Variants in TULP4 observed in about 807,000 individuals in gnomAD.
The protein encoded by TULP4 is tubby-related protein 4.
TULP4 carries 16 observed loss-of-function variants against 129.0 expected under a neutral mutation model. The observed-to-expected ratio is 0.12, with a 90% CI of 0.08 to 0.19. TULP4 has a LOEUF of 0.19. Ranked by LOEUF, TULP4 falls within the 10% of genes least tolerant of loss-of-function variation. The pLI, the probability that TULP4 is intolerant of heterozygous loss-of-function variation, is 1.00. For synonymous variants in TULP4, 998 were observed against 854.0 expected (o/e 1.17, Z -2.94); for missense variants, 1,842 against 2,059.1 (o/e 0.89, Z 2.04).
At chr6:158,324,463 G>C (rs1779701901) in intron 1 of TULP4, among the ~76,000 whole-genome samples, 1 of 152,170 alleles carries the variant, frequency 6.6e-6, no homozygotes, top group Admixed American at 6.5e-5. Context: ...GAGTGAGCTG[G>C]ACCTTAATGT....
At chr6:158,334,866 TCTG>T (rs1779996607) in intron 1 of TULP4, among the ~76,000 whole-genome samples, 1 of 152,220 alleles carries the variant, frequency 6.6e-6, no homozygotes, top group Admixed American at 6.5e-5. Context: ...GTTCTGCTCT[TCTG>T]CTGTGTGAGG....
At chr6:158,415,516 A>T (rs998211463) in intron 2 of TULP4, among the ~76,000 whole-genome samples, 2 of 144,874 alleles carry the variant, frequency 1.4e-5, no homozygotes, top group African/African-American at 2.5e-5. Context: ...CGCCCGGCTA[A>T]TTTTTTTTTG....
At chr6:158,312,031 CT>C (rs11418809), upstream of TULP4, 488 of 375,132 alleles carry the variant, frequency 1.3e-3, no homozygotes, top group South Asian at 6.1e-3. Context: ...AATTTTATAT[CT>C]TTTTTTTTTT....
chr6:158,264,523 C>T (rs935723859), intron 1 of TULP4, among the ~76,000 whole-genome samples: 1 of 152,026 alleles, frequency 6.6e-6, no homozygotes, highest in African/African-American at 2.4e-5. Flanking sequence ...TGACATCTTA[C>T]TGGAGTTGGG....
chr6:158,308,531 G>A (rs1195793338), upstream of TULP4, among the ~76,000 whole-genome samples: 1 of 152,054 alleles, frequency 6.6e-6, no homozygotes, highest in Admixed American at 6.5e-5. Context: ...CCTCCCAGAC[G>A]GGGTGGCGGC....
At chr6:158,494,596 T>C (rs3763172) in intron 10 of TULP4, among the ~76,000 whole-genome samples, 157 bp from the exon 11 acceptor site, 40,371 of 152,148 alleles carry the variant, frequency 0.27, 6,644 homozygotes, top group East Asian at 0.52. Context: ...CCTCGTTAGC[T>C]TCTGATCTTG....
intron 2 of TULP4, among the ~76,000 whole-genome samples, chr6:158,420,280 A>G (rs1221530522): frequency 6.6e-6 from 1 of 152,212 alleles, no homozygotes; most frequent in Non-Finnish European, 1.5e-5. Context: ...ACTTAAAACC[A>G]TTCTCAGTTT....
intron 13 of TULP4, among the ~76,000 whole-genome samples, chr6:158,504,467 C>T (rs111489415): frequency 0.11 from 17,386 of 151,422 alleles, 1,161 homozygotes; most frequent in Non-Finnish European, 0.14. Context: ...CCGCCTCAGC[C>T]TCCCGAGTAG....
At chr6:158,377,958 A>G (rs1777230681) in intron 1 of TULP4, among the ~76,000 whole-genome samples, 1 of 152,152 alleles carries the variant, frequency 6.6e-6, no homozygotes, top group African/African-American at 2.4e-5. Flanking sequence ...AGCTAGACTC[A>G]GTTATGTGTC....
Position 158,452,181 on chromosome 6 carries a change from CTCACCG to C in TULP4, c.776_781del (p.Thr259_Val260del). 1 of 1,614,218 alleles carries C rather than the reference CTCACCG, an allele frequency of 6.2e-7. No individual in the cohort carries two copies. ...CCCAGTGCAGAACATCAAGCCTCTG[CTCACCG>C]TCAGCTTCACCTCGGGAGACATCAG... On this transcript the variant is annotated inframe_deletion, in exon 5 of 14. Coordinates refer to ENST00000367097, the MANE Select transcript of TULP4 (RefSeq NM_020245.5).
chr6:158,295,539 A>G (rs1265250652), intron 1 of TULP4, among the ~76,000 whole-genome samples: 1 of 152,178 alleles, frequency 6.6e-6, no homozygotes, highest in Non-Finnish European at 1.5e-5. Flanking sequence ...TATAAAGTGT[A>G]TATATGTAAT....
chr6:158,306,974 T>C (rs1164277390), intron 1 of TULP4, among the ~76,000 whole-genome samples: 1 of 152,136 alleles, frequency 6.6e-6, no homozygotes, highest in African/African-American at 2.4e-5. Flanking sequence ...TGAGCTGTGA[T>C]CACACCACTG....
At chr6:158,472,476 A>G (rs1459991718) in intron 6 of TULP4, among the ~76,000 whole-genome samples, 3 of 152,196 alleles carry the variant, frequency 2.0e-5, no homozygotes, top group Non-Finnish European at 2.9e-5. Context: ...CAATAATAGA[A>G]AGTTAAATAA....
At chr6:158,455,055 ATTTTTTTTTTTTTTTTTT>A (rs781328845) in intron 5 of TULP4, among the ~76,000 whole-genome samples, 1 of 33,212 alleles carries the variant, frequency 3.0e-5, no homozygotes, top group Non-Finnish European at 4.9e-5. Flanking sequence ...CAAATTTAAC[ATTTTTTTTTTTTTTTTTT>A]TTTTTTTTTT....
chr6:158,308,781 G>T (rs1467139426), upstream of TULP4, among the ~76,000 whole-genome samples: 116 of 104,630 alleles, frequency 1.1e-3, no homozygotes, highest in Admixed American at 1.5e-3. Flanking sequence ...CTCCCTCCCG[G>T]ACGGGGCAGC....
At chr6:158,504,212 A>G (rs1223718418) in intron 13 of TULP4, 34 bp downstream of exon 13, 1 of 1,482,230 alleles carries the variant, frequency 6.7e-7, no homozygotes, top group East Asian at 2.4e-5. Context: ...CTGCGAGCCC[A>G]GGAGGCGAGG....
chr6:158,273,522 T>A (rs1778586687), intron 1 of TULP4, among the ~76,000 whole-genome samples: 1 of 152,224 alleles, frequency 6.6e-6, no homozygotes, highest in African/African-American at 2.4e-5. Context: ...AGTGTCCAGC[T>A]ATTTACTTGA....
intron 1 of TULP4, among the ~76,000 whole-genome samples, chr6:158,304,020 T>G (rs1410670808): frequency 6.6e-6 from 1 of 152,070 alleles, no homozygotes; most frequent in Non-Finnish European, 1.5e-5. Context: ...CAAATTGTAG[T>G]GAAAATAAGT....
At chr6:158,297,852 AC>A (rs1471599710) in intron 1 of TULP4, among the ~76,000 whole-genome samples, 1 of 152,174 alleles carries the variant, frequency 6.6e-6, no homozygotes, top group Non-Finnish European at 1.5e-5. Flanking sequence ...AACTGGTCTG[AC>A]CACAAATTTA....
Sources: gnomAD v4.1 joint callset for allele counts (sites outside exome capture counted in the v4.1 genomes callset) on GRCh38, gnomAD v4.1.1 for gene constraint, MANE v1.5 for transcripts, NCBI Gene and HGNC (gene_info 2026-07-23, HGNC 2026-07-21) for gene names.